Variants in CCSER2 observed in about 807,000 individuals in gnomAD.
CCSER2 encodes coiled-coil serine rich protein 2, also known as serine-rich coiled-coil domain-containing protein 2.
Under a neutral mutation model 92.3 loss-of-function variants are expected in CCSER2, and 46 were observed. The ratio of observed to expected loss-of-function variants is 0.50; its 90% CI spans 0.39 to 0.64. The LOEUF (loss-of-function observed/expected upper bound fraction) is 0.64. CCSER2 is among the 30% of genes least tolerant of loss of function. The pLI, the probability that CCSER2 is intolerant of heterozygous loss-of-function variation, is 0.00. For missense variants in CCSER2, 1,244 were observed against 1,238.9 expected, an observed-to-expected ratio of 1.00 and a Z score of -0.06; for synonymous variants, 433 against 431.4, an observed-to-expected ratio of 1.00 and a Z score of -0.04.
intron 3 of CCSER2, among the ~76,000 whole-genome samples, chr10:84,409,576 CT>C (rs397846732): frequency 1.4e-4 from 21 of 148,032 alleles, no homozygotes; most frequent in African/African-American, 2.0e-4. Flanking sequence ...TGATTGCTCT[CT>C]TTTTTTTTTT....
chr10:84,485,214 G>T (rs1489174788), intron 9 of CCSER2, among the ~76,000 whole-genome samples: 1 of 152,174 alleles, frequency 6.6e-6, no homozygotes, highest in Non-Finnish European at 1.5e-5. Flanking sequence ...TGACATTAGT[G>T]ATGGTGTGTG....
chr10:84,490,157 C>G (rs537843357), intron 9 of CCSER2, among the ~76,000 whole-genome samples: 7 of 152,198 alleles, frequency 4.6e-5, no homozygotes, highest in African/African-American at 9.7e-5. Context: ...GCCTTTCTCT[C>G]TGGCTGCCCT....
At chr10:84,347,970 T>A (rs1047396556) in intron 1 of CCSER2, among the ~76,000 whole-genome samples, 1 of 144,116 alleles carries the variant, frequency 6.9e-6, no homozygotes, top group Admixed American at 6.8e-5. Context: ...CTTCCCAGAC[T>A]GGGCAGCCGG....
intron 1 of CCSER2, among the ~76,000 whole-genome samples, chr10:84,336,433 C>A (rs2132984437): frequency 6.6e-6 from 1 of 152,258 alleles, no homozygotes; most frequent in Middle Eastern, 3.4e-3. Context: ...GAGGGTGATG[C>A]TGCTGTTTTA....
intron 9 of CCSER2, among the ~76,000 whole-genome samples, chr10:84,513,191 C>T (rs1849454895): frequency 6.6e-6 from 1 of 152,002 alleles, no homozygotes; most frequent in African/African-American, 2.4e-5. Context: ...TAAATTAGTA[C>T]TTTAATGTTT....
intron 6 of CCSER2, among the ~76,000 whole-genome samples, chr10:84,450,471 T>C (rs1845212452): frequency 6.6e-6 from 1 of 152,192 alleles, no homozygotes; most frequent in Non-Finnish European, 1.5e-5. Context: ...ATGTACTTGG[T>C]TGTGTTATAA....
At chr10:84,332,436 A>ATATTTTTTTTTTT (rs1401635246) in intron 1 of CCSER2, among the ~76,000 whole-genome samples, 1 of 55,212 alleles carries the variant, frequency 1.8e-5, no homozygotes, top group African/African-American at 1.1e-4. Context: ...ATATATATAT[A>ATATTTTTTTTTTT]TTTTTTTTTT....
At chr10:84,446,083 A>G (rs1441556451) in intron 6 of CCSER2, among the ~76,000 whole-genome samples, 1 of 151,984 alleles carries the variant, frequency 6.6e-6, no homozygotes, top group Non-Finnish European at 1.5e-5. Context: ...ATTTCTTTTC[A>G]TTATTTTTTG....
chr10:84,384,795 C>A (rs1227309452), intron 3 of CCSER2, among the ~76,000 whole-genome samples: 1 of 152,040 alleles, frequency 6.6e-6, no homozygotes, highest in Non-Finnish European at 1.5e-5. Flanking sequence ...TAAAAGCCAT[C>A]CAAATTATAA....
At chr10:84,423,073 G>A (rs1843233711) in intron 4 of CCSER2, among the ~76,000 whole-genome samples, 1 of 150,700 alleles carries the variant, frequency 6.6e-6, no homozygotes, top group Non-Finnish European at 1.5e-5. Context: ...AAAAAAAATT[G>A]TCTCTGGAAA....
intron 9 of CCSER2, among the ~76,000 whole-genome samples, chr10:84,507,633 A>G (rs1849132595): frequency 2.0e-5 from 3 of 152,264 alleles, no homozygotes; most frequent in Admixed American, 2.0e-4. Flanking sequence ...CTCCATCAGG[A>G]CTTGACATTT....
chr10:84,451,301 G>T (rs1845276869), intron 6 of CCSER2, among the ~76,000 whole-genome samples: 1 of 137,850 alleles, frequency 7.3e-6, no homozygotes, highest in Admixed American at 7.8e-5. Flanking sequence ...ACAGGGTCTT[G>T]CTGTGTTGCC....
chr10:84,366,522 T>C (rs1845783879), intron 1 of CCSER2, among the ~76,000 whole-genome samples: 1 of 152,160 alleles, frequency 6.6e-6, no homozygotes. Context: ...ATATTATTGC[T>C]GTGAAGAGAA....
At chr10:84,445,536 A>C (rs1185292135) in intron 6 of CCSER2, among the ~76,000 whole-genome samples, 5 of 152,212 alleles carry the variant, frequency 3.3e-5, no homozygotes, top group Non-Finnish European at 7.3e-5. Context: ...ATAATTAATA[A>C]GTATTTATCT....
chr10:84,460,680 T>G (rs1216199542), intron 6 of CCSER2, among the ~76,000 whole-genome samples: 1 of 152,118 alleles, frequency 6.6e-6, no homozygotes, highest in Non-Finnish European at 1.5e-5. Flanking sequence ...AGCTTATCTA[T>G]TTCATCTTAG....
chr10:84,370,283 G>A (rs1040929908), intron 1 of CCSER2, among the ~76,000 whole-genome samples: 9 of 152,044 alleles, frequency 5.9e-5, no homozygotes, highest in South Asian at 2.1e-4. Context: ...ATTTCCATTC[G>A]TTTGCATTGT....
chr10:84,462,729 CT>C (rs1283955102), intron 6 of CCSER2, among the ~76,000 whole-genome samples: 1 of 152,146 alleles, frequency 6.6e-6, no homozygotes, highest in Non-Finnish European at 1.5e-5. Context: ...TCAGCATTAC[CT>C]TTTGAACTGC....
intron 3 of CCSER2, among the ~76,000 whole-genome samples, chr10:84,390,014 T>C (rs1841437670): frequency 6.6e-6 from 1 of 152,190 alleles, no homozygotes; most frequent in Non-Finnish European, 1.5e-5. Context: ...ATGTGCTCAC[T>C]GCTATTGAAA....
chr10:84,431,020 T>G (rs763453743), intron 5 of CCSER2, among the ~76,000 whole-genome samples: 2 of 152,168 alleles, frequency 1.3e-5, no homozygotes, highest in Non-Finnish European at 2.9e-5. Context: ...AAAAATAGAG[T>G]TCTCATATGC....
Sources: allele counts gnomAD v4.1 joint callset (sites outside exome capture counted in the v4.1 genomes callset), GRCh38; gene constraint gnomAD v4.1.1; transcripts MANE v1.5; gene names NCBI Gene and HGNC (gene_info 2026-07-23, HGNC 2026-07-21).